FRMD5: variants seen among roughly 807,000 people sequenced by gnomAD.
The protein encoded by FRMD5 is FERM domain containing 5.
In FRMD5, 20 loss-of-function variants were observed where a neutral mutation model predicts 69.0. That is an observed-to-expected ratio of 0.29 (90% CI 0.20 to 0.42). The LOEUF (loss-of-function observed/expected upper bound fraction) is 0.42, where lower values mean the gene tolerates loss of function less well. Ranked by LOEUF, FRMD5 falls within the 10% of genes least tolerant of loss-of-function variation. The probability of loss-of-function intolerance (pLI) is 1.00; values close to 1 mark genes in which losing one functional copy is unlikely to be tolerated. For synonymous variants in FRMD5, 271 were observed against 260.1 expected, an observed-to-expected ratio of 1.04 and a Z score of -0.40; for missense variants, 595 against 708.6, an observed-to-expected ratio of 0.84 and a Z score of 1.82.
chr15:43,980,963 TGGACCAGAAGGCTTACTG>T (rs1182798843), intron 1 of FRMD5, among the ~76,000 whole-genome samples: 2 of 152,136 alleles, frequency 1.3e-5, no homozygotes, highest in African/African-American at 4.8e-5. Flanking sequence ...CAGCTTACTG[TGGACCAGAAGGCTTACTG>T]ATAACATAGT....
At chr15:43,979,199 C>T (rs1367292623) in intron 1 of FRMD5, among the ~76,000 whole-genome samples, 2 of 152,018 alleles carry the variant, frequency 1.3e-5, no homozygotes, top group Admixed American at 6.6e-5. Context: ...ATTAGCCAAG[C>T]GTCATGGCAG....
intron 1 of FRMD5, among the ~76,000 whole-genome samples, chr15:43,962,394 T>A (rs529694458): frequency 6.6e-6 from 1 of 152,002 alleles, no homozygotes; most frequent in Non-Finnish European, 1.5e-5. Flanking sequence ...CACTGTTCAA[T>A]GAAATAAAAG....
chr15:43,873,251 A>G lies in FRMD5; in HGVS notation c.*634T>C. ...CTCAGATTTGAAAAAACAAAAGGAA[A>G]AGAAAATCCAACTCAGACCATCATA... On this transcript the variant is annotated 3_prime_UTR_variant, in exon 14 of 14. Transcript: ENST00000417257. The G allele has an allele frequency of 6.5e-7, 1 of 1,548,784 alleles. No homozygotes were observed. Among genetic ancestry groups the G allele is most frequent in the Non-Finnish European group, 8.7e-7 (1 of 1,146,552 alleles).
chr15:43,968,638 A>G (rs766380448), intron 1 of FRMD5, among the ~76,000 whole-genome samples: 4 of 152,198 alleles, frequency 2.6e-5, no homozygotes, highest in Middle Eastern at 3.2e-3. Context: ...CCTTGTATCT[A>G]TCTACTTTAT....
chr15:44,130,239 C>T (rs1039935194), intron 1 of FRMD5, among the ~76,000 whole-genome samples: 1 of 152,222 alleles, frequency 6.6e-6, no homozygotes. Context: ...CTGACATCCC[C>T]GCCAATCCTT....
At chr15:43,966,311 G>A (rs533369806) in intron 1 of FRMD5, among the ~76,000 whole-genome samples, 1 of 152,264 alleles carries the variant, frequency 6.6e-6, no homozygotes, top group Admixed American at 6.5e-5. Flanking sequence ...GGCGAAGGTT[G>A]CAGTGAGAGG....
chr15:43,887,004 G>A (rs1420257587), intron 10 of FRMD5, among the ~76,000 whole-genome samples: 1 of 152,248 alleles, frequency 6.6e-6, no homozygotes, highest in Non-Finnish European at 1.5e-5. Flanking sequence ...CAGAAACTGA[G>A]TGAGGTCACA....
intron 1 of FRMD5, among the ~76,000 whole-genome samples, chr15:43,998,376 A>C (rs1037270414): frequency 2.6e-5 from 4 of 152,218 alleles, no homozygotes; most frequent in African/African-American, 9.7e-5. Context: ...TAAAGGACAG[A>C]TGAAGTTCTC....
rs34106212 is a variant in FRMD5, at chr15:43,979,335, C to CAA, written c.103-55028_103-55027dup. Among the ~76,000 whole-genome samples the CAA allele has an allele frequency of 3.8e-4, 48 of 126,838 alleles. 1 individual carries two copies. Among genetic ancestry groups the CAA allele is most frequent in the African/African-American group, 1.0e-3 (37 of 36,214 alleles). The allele number at this position is 126,838 out of a possible 152,430, so 83.2% of individuals were successfully genotyped here. A position where few individuals can be genotyped will look rare whatever the true frequency, so the allele number is the denominator to read the frequency against. On this transcript the variant is annotated intron_variant, in intron 1 of 13. Transcript: ENST00000417257. ...GGGCTATAAGAGTGAAACTCTGTCTCAAAAAAAAAAAAAAAGGGTTCAATT... is the reference window on the plus strand; with the variant it reads ...GGGCTATAAGAGTGAAACTCTGTCTCAAAAAAAAAAAAAAAAAGGGTTCAATT...
At chr15:44,052,757 T>C (rs140955287) in intron 1 of FRMD5, among the ~76,000 whole-genome samples, 1 of 152,352 alleles carries the variant, frequency 6.6e-6, no homozygotes, top group East Asian at 1.9e-4. Flanking sequence ...TATACTTCTC[T>C]GTCCCTTATA....
intron 1 of FRMD5, among the ~76,000 whole-genome samples, chr15:44,060,399 G>A (rs571029468): frequency 6.6e-6 from 1 of 152,258 alleles, no homozygotes; most frequent in East Asian, 1.9e-4. Context: ...GCTCTACAGT[G>A]ACAAATTAAA....
At chr15:43,967,500 G>A (rs1375937324) in intron 1 of FRMD5, among the ~76,000 whole-genome samples, 1 of 152,006 alleles carries the variant, frequency 6.6e-6, no homozygotes, top group Non-Finnish European at 1.5e-5. Context: ...CAAAGTGCTA[G>A]GCTTATAGGC....
intron 1 of FRMD5, among the ~76,000 whole-genome samples, chr15:44,002,295 G>A (rs1376078531): frequency 6.6e-6 from 1 of 152,098 alleles, no homozygotes; most frequent in African/African-American, 2.4e-5. Flanking sequence ...CAGTAATGAA[G>A]TTAAGAAAGT....
intron 1 of FRMD5, among the ~76,000 whole-genome samples, chr15:44,037,447 T>C (rs1891968185): frequency 1.3e-5 from 2 of 151,870 alleles, no homozygotes; most frequent in South Asian, 4.2e-4. Flanking sequence ...TCAATACACA[T>C]ACGTGTACAT....
At chr15:44,050,686 C>T (rs1892625677) in intron 1 of FRMD5, among the ~76,000 whole-genome samples, 1 of 148,130 alleles carries the variant, frequency 6.8e-6, no homozygotes, top group African/African-American at 2.5e-5. Flanking sequence ...CAGACAGAGT[C>T]TCGCTCTGTC....
intron 1 of FRMD5, among the ~76,000 whole-genome samples, chr15:44,022,584 G>GAAAAAA (rs5812262): frequency 1.4e-5 from 1 of 73,160 alleles, no homozygotes; most frequent in African/African-American, 5.8e-5. Context: ...CACTCCACCA[G>GAAAAAA]AAAAAAAAAA....
chr15:44,191,271 T>G (rs956379518), intron 1 of FRMD5, among the ~76,000 whole-genome samples: 2 of 152,190 alleles, frequency 1.3e-5, no homozygotes, highest in Non-Finnish European at 2.9e-5. Flanking sequence ...ATTTATAAAC[T>G]ATTATAAGCT....
chr15:43,967,981 T>C (rs186053584), intron 1 of FRMD5, among the ~76,000 whole-genome samples: 269 of 151,892 alleles, frequency 1.8e-3, no homozygotes, highest in African/African-American at 6.2e-3. Context: ...TGTGTTTTCA[T>C]TGTTCAACTC....
At chr15:44,130,009 A>G (rs560869913) in intron 1 of FRMD5, among the ~76,000 whole-genome samples, 120 of 152,218 alleles carry the variant, frequency 7.9e-4, no homozygotes, top group Non-Finnish European at 1.6e-3. Context: ...TACAATGTCA[A>G]CTCTCCCTAA....
Sources: allele counts gnomAD v4.1 joint callset (sites outside exome capture counted in the v4.1 genomes callset), GRCh38; gene constraint gnomAD v4.1.1; transcripts MANE v1.5; gene names NCBI Gene and HGNC (gene_info 2026-07-23, HGNC 2026-07-21).